STS: variants seen among roughly 807,000 people sequenced by gnomAD.
STS encodes steroid sulfatase, also known as steryl-sulfatase.
Under a neutral mutation model 26.8 loss-of-function variants are expected in STS, and 7 were observed. The observed-to-expected ratio is 0.26, with a 90% confidence interval of 0.15 to 0.49. The LOEUF (loss-of-function observed/expected upper bound fraction) is 0.49, where lower values mean the gene tolerates loss of function less well. Ranked by LOEUF, STS falls within the 20% of genes least tolerant of loss-of-function variation. STS has a pLI of 0.98. For synonymous variants in STS, 199 were observed against 189.4 expected, an observed-to-expected ratio of 1.05 and a Z score of -0.42; for missense variants, 434 against 465.6, an observed-to-expected ratio of 0.93 and a Z score of 0.63.
At chrX:7,192,789 G>A (rs931060925) in intron 2 of STS, among the ~76,000 whole-genome samples, 5 of 111,686 alleles carry the variant, frequency 4.5e-5, no homozygotes, top group African/African-American at 1.6e-4. Context: ...GCCCTTCAGA[G>A]AGAATTTGGT....
intron 2 of STS, among the ~76,000 whole-genome samples, chrX:7,232,179 C>G (rs1322781184): frequency 5.4e-5 from 6 of 111,590 alleles, no homozygotes; most frequent in African/African-American, 2.0e-4. Flanking sequence ...CAAATTAAGG[C>G]CCAGGGGCCA....
chrX:7,183,725 C>A (rs189722845), intron 1 of STS, among the ~76,000 whole-genome samples: 1 of 112,001 alleles, frequency 8.9e-6, no homozygotes, highest in African/African-American at 3.2e-5. Context: ...TAATACCGGC[C>A]GGGCATAGTG....
intron 2 of STS, among the ~76,000 whole-genome samples, chrX:7,226,607 C>T (rs1429357808): frequency 9.0e-6 from 1 of 111,639 alleles, no homozygotes; most frequent in Non-Finnish European, 1.9e-5. Context: ...TATAAGAGTT[C>T]TAGGGGCCAG....
At chrX:7,231,622 A>C (rs1374477862) in intron 2 of STS, among the ~76,000 whole-genome samples, 2 of 111,073 alleles carry the variant, frequency 1.8e-5, no homozygotes, top group Non-Finnish European at 1.9e-5. Flanking sequence ...ACACCCAGCT[A>C]TCTCCAGACC....
intron 2 of STS, among the ~76,000 whole-genome samples, chrX:7,203,155 C>T (rs933763196): frequency 4.5e-5 from 5 of 111,721 alleles, no homozygotes; most frequent in Non-Finnish European, 9.4e-5. Context: ...CCTTGGACTC[C>T]GGGATCTATG....
chrX:7,237,273 C>T (rs1156247571), intron 2 of STS, among the ~76,000 whole-genome samples: 1 of 108,110 alleles, frequency 9.2e-6, no homozygotes, highest in Non-Finnish European at 1.9e-5. Flanking sequence ...AACACGAAGG[C>T]CTTTTAAATA....
intron 7 of STS, among the ~76,000 whole-genome samples, chrX:7,287,783 G>A (rs1317261916): frequency 1.8e-5 from 2 of 109,784 alleles, no homozygotes; most frequent in Admixed American, 9.8e-5. Context: ...AAATTCAGCC[G>A]AGATCAAATT....
chrX:7,240,282 A>C (rs1019357299), intron 2 of STS, among the ~76,000 whole-genome samples: 3 of 108,578 alleles, frequency 2.8e-5, no homozygotes, highest in Non-Finnish European at 5.7e-5. Context: ...TGGAGGTATA[A>C]TGAATGATAT....
intron 7 of STS, among the ~76,000 whole-genome samples, chrX:7,304,644 A>C (rs1454708492): frequency 3.6e-5 from 4 of 112,293 alleles, no homozygotes; most frequent in Non-Finnish European, 7.5e-5. Flanking sequence ...CCATCCAATA[A>C]AGAAAAATGA....
chrX:7,174,733 C>T (rs1466610471), intron 1 of STS, among the ~76,000 whole-genome samples: 3 of 111,590 alleles, frequency 2.7e-5, no homozygotes, highest in Non-Finnish European at 5.6e-5. Context: ...CTCACATTTA[C>T]TAGGAAATTT....
In STS at chrX:7,352,130, G is replaced by T. The variant is rs1928828589; in HGVS notation, c.*1869G>T. 1 of 111,100 alleles carries T rather than the reference G, an allele frequency of 9.0e-6. No homozygotes were observed. The highest frequency in any genetic ancestry group is 9.7e-5 in the Admixed American group (1 of 10,339). The allele number at this position is 111,100 out of a possible 1,213,427, so 9.2% of individuals were successfully genotyped here. The stretch of plus-strand genomic sequence containing the variant: ...GTACTAGCTTACTGATGATGTGTTA[G>T]GATTGCTACTGATGCTGTCATGTGG... On this transcript the variant is annotated 3_prime_UTR_variant, in exon 11 of 11. Transcript: ENST00000674429.
At chrX:7,247,940 T>C (rs1361927111) in intron 2 of STS, among the ~76,000 whole-genome samples, 1 of 112,046 alleles carries the variant, frequency 8.9e-6, no homozygotes, top group African/African-American at 3.2e-5. Context: ...TGTGTACTCC[T>C]TTACTAAGGC....
chrX:7,268,891 G>A (rs1442092053), intron 6 of STS, among the ~76,000 whole-genome samples: 2 of 110,067 alleles, frequency 1.8e-5, no homozygotes, highest in South Asian at 4.0e-4. Context: ...GTGTGTGCCT[G>A]TAGTCCCAGC....
At chrX:7,259,898 C>A in intron 6 of STS, 126 bp downstream of exon 6, 4 of 886,655 alleles carry the variant, frequency 4.5e-6, no homozygotes, top group Non-Finnish European at 6.4e-6. Flanking sequence ...TTTTTTGAGA[C>A]AGAGTCTTGC....
chrX:7,323,377 C>G (rs182005326), intron 8 of STS, among the ~76,000 whole-genome samples: 20 of 110,930 alleles, frequency 1.8e-4, no homozygotes, highest in Non-Finnish European at 1.9e-5. Flanking sequence ...GACCTCCTCC[C>G]TCTTTCCCCC....
intron 1 of STS, among the ~76,000 whole-genome samples, chrX:7,166,077 G>GCAC (rs1933345269): frequency 9.4e-6 from 1 of 105,998 alleles, no homozygotes; most frequent in Non-Finnish European, 1.9e-5. Flanking sequence ...GCGTGATTAC[G>GCAC]GCTCGCTGCA....
chrX:7,332,112 C>G (rs752259827), intron 9 of STS, among the ~76,000 whole-genome samples: 1 of 109,051 alleles, frequency 9.2e-6, no homozygotes, highest in Non-Finnish European at 1.9e-5. Flanking sequence ...TGGCCAAGGC[C>G]GGAGGAGAGC....
At chrX:7,217,108 G>A (rs751517462) in intron 2 of STS, among the ~76,000 whole-genome samples, 1 of 110,833 alleles carries the variant, frequency 9.0e-6, no homozygotes, top group East Asian at 2.9e-4. Context: ...AACACCAAGG[G>A]CCAGCGAGAT....
chrX:7,211,744 A>C (rs1338609364), intron 2 of STS, among the ~76,000 whole-genome samples: 4 of 112,147 alleles, frequency 3.6e-5, no homozygotes, highest in African/African-American at 6.5e-5. Context: ...TCCAACAGGC[A>C]TCAAAGTCTC....
Sources: allele counts gnomAD v4.1 joint callset (sites outside exome capture counted in the v4.1 genomes callset), GRCh38; gene constraint gnomAD v4.1.1; transcripts MANE v1.5; gene names NCBI Gene and HGNC (gene_info 2026-07-23, HGNC 2026-07-21).